Variants in SSU72 observed in about 807,000 individuals in gnomAD.
The protein encoded by SSU72 is RNA polymerase II subunit A C-terminal domain phosphatase SSU72.
SSU72 carries 12 observed loss-of-function variants against 22.7 expected under a neutral mutation model. The ratio of observed to expected loss-of-function variants is 0.53; its 90% CI spans 0.34 to 0.86. SSU72 has a LOEUF of 0.86. SSU72 is among the 40% of genes least tolerant of loss of function. The pLI, the probability that SSU72 is intolerant of heterozygous loss-of-function variation, is 0.02. For synonymous variants in SSU72, 116 were observed against 98.3 expected, an observed-to-expected ratio of 1.18 and a Z score of -1.06; for missense variants, 151 against 249.8, an observed-to-expected ratio of 0.60 and a Z score of 2.67.
intron 2 of SSU72, among the ~76,000 whole-genome samples, chr1:1,549,809 C>T (rs1442056987): frequency 6.6e-6 from 1 of 151,782 alleles, no homozygotes; most frequent in Non-Finnish European, 1.5e-5. Flanking sequence ...CCCATCTTTA[C>T]TAAAAATATA....
In SSU72 at chr1:1,574,034, AG is replaced by A. The variant is rs66827726; in HGVS notation, c.80+443del. Reference sequence around the variant, plus strand: ...GAGGATCTTTCGCAAAAAAAAAAAAAGAAGAAGAAGTAGCAAACACACAAAT... The same window carrying A: ...GAGGATCTTTCGCAAAAAAAAAAAAAAAGAAGAAGTAGCAAACACACAAAT... On this transcript the variant is annotated intron_variant, in intron 1 of 4. Coordinates refer to ENST00000291386, the MANE Select transcript of SSU72 (RefSeq NM_014188.3). 5.2e-3 allele frequency among the ~76,000 whole-genome samples: 249 copies of A among 48,068 alleles called. 1 individual carries two copies. The African/African-American group carries it at 0.13, about 25-fold the overall frequency. The allele number at this position is 48,068 out of a possible 152,430, so 31.5% of individuals were successfully genotyped here.
intron 2 of SSU72, among the ~76,000 whole-genome samples, chr1:1,549,637 G>A (rs911966611): frequency 2.0e-5 from 3 of 151,716 alleles, no homozygotes; most frequent in South Asian, 2.1e-4. Flanking sequence ...TCAGGAGTTC[G>A]AGACCAGCCT....
intron 2 of SSU72, among the ~76,000 whole-genome samples, chr1:1,559,522 C>T (rs1219723260): frequency 6.6e-6 from 1 of 152,134 alleles, no homozygotes; most frequent in African/African-American, 2.4e-5. Context: ...CAGTAGAGTT[C>T]CCATTTGTCT....
At position 1,571,354 on chromosome 1, in the gene SSU72, C is replaced by T. The variant is rs145322751; in HGVS notation, c.80+3124G>A. 1.0e-2 allele frequency among the ~76,000 whole-genome samples: 1,470 copies of T among 147,672 alleles called. 9 individuals carry two copies. Among genetic ancestry groups the T allele is most frequent in the Non-Finnish European group, 0.014 (912 of 67,402 alleles). On this transcript the variant is annotated intron_variant, in intron 1 of 4. Coordinates refer to ENST00000291386, the MANE Select transcript of SSU72 (RefSeq NM_014188.3). ...GGGTTTGAAGGAGAATCGCTTCAAC[C>T]TGGGATGCAGAGGTTGCAGTGAGCC... is the stretch of plus-strand genomic sequence containing the variant.
intron 2 of SSU72, among the ~76,000 whole-genome samples, chr1:1,547,762 C>T (rs747847917): frequency 3.3e-5 from 5 of 152,190 alleles, no homozygotes; most frequent in South Asian, 2.1e-4. Context: ...GGCCTGCGTG[C>T]GAGAGCCTGC....
intron 2 of SSU72, among the ~76,000 whole-genome samples, chr1:1,557,328 G>A (rs569817661): frequency 1.1e-3 from 169 of 152,126 alleles, no homozygotes; most frequent in African/African-American, 3.9e-3. Flanking sequence ...CAGGAGAATC[G>A]TTTGAACCTG....
At chr1:1,544,607 ACTCTGT>A in intron 3 of SSU72, 2 of 532,048 alleles carry the variant, frequency 3.8e-6, no homozygotes. Flanking sequence ...ACAGAGCACG[ACTCTGT>A]CTCAAAAAAC....
chr1:1,574,736 G>A lies in SSU72; in HGVS notation c.-179C>T, dbSNP rs954610264. The A allele has an allele frequency of 3.2e-5, 14 of 431,224 alleles. No individual in the cohort carries two copies. The highest frequency in any genetic ancestry group is 5.0e-5 in the Admixed American group (1 of 19,996). 26.7% of individuals were successfully genotyped at this position (431,224 alleles called of 1,614,324 possible). A position where few individuals can be genotyped will look rare whatever the true frequency, so the allele number is the denominator to read the frequency against. Reference sequence around the variant, plus strand: ...CCCCGCCCACCCTGGGCGCCGGGCCGCGGACGGAGCGCAGGCACTGGCCTT... The same window carrying A: ...CCCCGCCCACCCTGGGCGCCGGGCCACGGACGGAGCGCAGGCACTGGCCTT... On this transcript the variant is annotated 5_prime_UTR_variant, in exon 1 of 5. Transcript: ENST00000291386.
At chr1:1,572,272 A>G (rs1033756218) in intron 1 of SSU72, among the ~76,000 whole-genome samples, 1 of 140,388 alleles carries the variant, frequency 7.1e-6, no homozygotes, top group African/African-American at 2.6e-5. Context: ...CTAAAAATAC[A>G]AAAAAATTAG....
chr1:1,564,298 CT>C, intron 2 of SSU72: 1 of 559,432 alleles, frequency 1.8e-6, no homozygotes, highest in Non-Finnish European at 3.0e-6. Context: ...CTTCTAACAG[CT>C]TGGTTAGCAA....
intron 2 of SSU72, among the ~76,000 whole-genome samples, chr1:1,549,973 CAAA>C (rs536331143): frequency 5.4e-5 from 5 of 93,206 alleles, no homozygotes; most frequent in African/African-American, 1.2e-4. Context: ...GACTCTGTCT[CAAA>C]AAAAAAAAAA....
chr1:1,558,745 G>A (rs370438088), intron 2 of SSU72, among the ~76,000 whole-genome samples: 6 of 152,080 alleles, frequency 3.9e-5, no homozygotes, highest in East Asian at 1.9e-4. Context: ...TGTCCAGGCC[G>A]GTGTCTGCCA....
chr1:1,572,102 G>T (rs1342648933), intron 1 of SSU72, among the ~76,000 whole-genome samples: 1 of 149,536 alleles, frequency 6.7e-6, no homozygotes, highest in Middle Eastern at 3.2e-3. Context: ...GCCCTAAATA[G>T]AATTTTTAAA....
Position 1,565,059 on chromosome 1 carries a change from G to C in SSU72, c.81-143C>G, listed in dbSNP as rs1438621879. ...ATATGTCTTCAAATTTTTAATCTAG[G>C]CCGGGCATGGTGGCTCGCGCCTGTA... On this transcript the variant is annotated intron_variant, in intron 1 of 4. Transcript: ENST00000291386. The C allele has an allele frequency of 8.2e-6, 10 of 1,224,460 alleles. No individual in the cohort carries two copies. The East Asian group carries it at 1.5e-4, about 19-fold the overall frequency. The allele number at this position is 1,224,460 out of a possible 1,614,324, so 75.8% of individuals were successfully genotyped here. A position where few individuals can be genotyped will look rare whatever the true frequency, so the allele number is the denominator to read the frequency against.
rs1481727630 is a variant in SSU72 at position 1,542,370 on chromosome 1, G to A, written c.484-203C>T. On this transcript the variant is annotated intron_variant, in intron 4 of 4. Transcript: ENST00000291386. The surrounding 1 kb of genome is among the most constrained non-coding windows in gnomAD (Gnocchi z 4.4). Reference sequence around the variant, plus strand: ...CCCGGGCAGCCCCCACCTCCCCACCGACCCTCACAGGACCTGAAGCTGGGA... The same window carrying A: ...CCCGGGCAGCCCCCACCTCCCCACCAACCCTCACAGGACCTGAAGCTGGGA... Among the ~76,000 whole-genome samples the A allele has an allele frequency of 6.6e-6, 1 of 152,090 alleles. No homozygotes were observed. The highest frequency in any genetic ancestry group is 1.5e-5 in the Non-Finnish European group (1 of 68,010).
chr1:1,564,584 A>G (rs758758239), intron 2 of SSU72, 189 bp downstream of exon 2: 3 of 1,605,072 alleles, frequency 1.9e-6, no homozygotes, highest in Non-Finnish European at 2.6e-6. Flanking sequence ...GCCTACTGCC[A>G]TGGGTGGCAC....
chr1:1,559,242 G>A (rs928611660), intron 2 of SSU72, among the ~76,000 whole-genome samples: 9 of 152,154 alleles, frequency 5.9e-5, no homozygotes, highest in African/African-American at 9.7e-5. Flanking sequence ...CCTGTAGCAC[G>A]GGAAGCAGCT....
chr1:1,558,501 G>A (rs924716220), intron 2 of SSU72, among the ~76,000 whole-genome samples: 3 of 152,186 alleles, frequency 2.0e-5, no homozygotes, highest in African/African-American at 4.8e-5. Flanking sequence ...ACGGCCAGAC[G>A]AGACCCAGGA....
rs952305780 is a variant in SSU72 at position 1,564,538 on chromosome 1, G to C, written c.224+235C>G. 5.1e-6 allele frequency: 8 copies of C among 1,553,398 alleles called. No individual in the cohort carries two copies. In the African/African-American group the frequency reaches 9.6e-5, roughly 19 times the overall value. Reference sequence around the variant, plus strand: ...CACGACCCTCTGCTGAACCACGTCAGGGTGAACCCCACACCGTGTCTGTGC... The same window carrying C: ...CACGACCCTCTGCTGAACCACGTCACGGTGAACCCCACACCGTGTCTGTGC... On this transcript the variant is annotated intron_variant, in intron 2 of 4. Coordinates refer to ENST00000291386, the MANE Select transcript of SSU72 (RefSeq NM_014188.3).
Sources: gnomAD v4.1 joint callset for allele counts (sites outside exome capture counted in the v4.1 genomes callset) on GRCh38, gnomAD v4.1.1 for gene constraint, Gnocchi (gnomAD v3.1) non-coding constraint, MANE v1.5 for transcripts, NCBI Gene and HGNC (gene_info 2026-07-23, HGNC 2026-07-21) for gene names.